CACNA1C: variants seen among roughly 807,000 people sequenced by gnomAD.
The protein encoded by CACNA1C is calcium voltage-gated channel subunit alpha1 C, also known as voltage-dependent L-type calcium channel subunit alpha-1C.
In CACNA1C, 30 loss-of-function variants were observed where a neutral mutation model predicts 229.0. That is an observed-to-expected ratio of 0.13 (90% CI 0.10 to 0.18). The LOEUF is 0.18. Among genes scored for constraint, CACNA1C ranks in the 10% least tolerant of loss-of-function variants. The pLI, the probability that CACNA1C is intolerant of heterozygous loss-of-function variation, is 1.00. For synonymous variants in CACNA1C, 1,114 were observed against 1,132.5 expected (o/e 0.98, Z 0.33); for missense variants, 1,658 against 2,845.0 (o/e 0.58, Z 9.49).
chr12:2,409,738 G>A (rs745909039), intron 3 of CACNA1C, among the ~76,000 whole-genome samples: 7 of 152,212 alleles, frequency 4.6e-5, no homozygotes, highest in Non-Finnish European at 7.4e-5. Flanking sequence ...TGAAGCTGCA[G>A]TGTTCACCCT....
rs570182758 is a variant in CACNA1C, at chr12:2,634,907, G to A, written c.3912+527G>A. 4.7e-4 allele frequency among the ~76,000 whole-genome samples: 72 copies of A among 152,162 alleles called. 1 individual carries two copies. Among genetic ancestry groups the A allele is most frequent in the Non-Finnish European group, 7.9e-4 (54 of 67,990 alleles). On this transcript the variant is annotated intron_variant, in intron 30 of 46. Coordinates refer to ENST00000399655, the MANE Select transcript of CACNA1C (RefSeq NM_000719.7). Reference sequence around the variant, plus strand: ...ACACCGTCAGCCATAGCCCACCCTCGCCCAAGGACCACCCATGATCTCGGG... The same window carrying A: ...ACACCGTCAGCCATAGCCCACCCTCACCCAAGGACCACCCATGATCTCGGG...
rs1202917842 is a variant in CACNA1C at position 2,504,331 on chromosome 12, G to A, written c.1114-511G>A. ...CCTGGTGCACATGAACAAAGCCCAC[G>A]TTCAGCCCCGTCTGTCCCCTCCCAA... is the stretch of plus-strand genomic sequence containing the variant. On this transcript the variant is annotated intron_variant, in intron 7 of 46. Transcript: ENST00000399655. This position sits in a 1 kb window ranked among gnomAD's most constrained non-coding sequence, Gnocchi z 6.8. 22 of 702,946 alleles carry A rather than the reference G, an allele frequency of 3.1e-5. No homozygotes were observed. Among genetic ancestry groups the A allele is most frequent in the South Asian group, 1.3e-4 (8 of 60,784 alleles). 43.5% of individuals were successfully genotyped at this position (702,946 alleles called of 1,614,324 possible). A position where few individuals can be genotyped will look rare whatever the true frequency, so the allele number is the denominator to read the frequency against.
Position 2,693,655 on chromosome 12 carries a change from G to C in CACNA1C, c.*2456G>C, listed in dbSNP as rs142476147. On this transcript the variant is annotated 3_prime_UTR_variant, in exon 47 of 47. Coordinates refer to ENST00000399655, the MANE Select transcript of CACNA1C (RefSeq NM_000719.7). ...AGAGGCATCCGGAGCTCACAGTGGGGGTGGGAACAGATTTTTGTGGGGGCA... is the reference window on the plus strand; with the variant it reads ...AGAGGCATCCGGAGCTCACAGTGGGCGTGGGAACAGATTTTTGTGGGGGCA... 4.6e-5 allele frequency: 7 copies of C among 152,322 alleles called. No individual in the cohort carries two copies. Among genetic ancestry groups the C allele is most frequent in the Admixed American group, 4.6e-4 (7 of 15,300 alleles). The allele number at this position is 152,322 out of a possible 1,614,324, so 9.4% of individuals were successfully genotyped here.
intron 3 of CACNA1C, among the ~76,000 whole-genome samples, chr12:2,191,543 T>C (rs189405979): frequency 2.0e-5 from 3 of 152,058 alleles, no homozygotes; most frequent in African/African-American, 7.2e-5. Context: ...CATACACACA[T>C]GGACACATTC....
chr12:2,178,024 G>A (rs1214188434), intron 3 of CACNA1C, among the ~76,000 whole-genome samples: 1 of 152,226 alleles, frequency 6.6e-6, no homozygotes, highest in Non-Finnish European at 1.5e-5. Context: ...GGAGCTAGGA[G>A]AAGGGCAGGC....
intron 3 of CACNA1C, among the ~76,000 whole-genome samples, chr12:2,136,238 G>A (rs985901737): frequency 2.0e-5 from 3 of 151,398 alleles, no homozygotes; most frequent in African/African-American, 7.2e-5. Context: ...AGATGGAAAT[G>A]CAGAAATCAC....
intron 3 of CACNA1C, among the ~76,000 whole-genome samples, chr12:2,256,435 C>A (rs1163027861): frequency 1.3e-5 from 2 of 152,144 alleles, no homozygotes; most frequent in Non-Finnish European, 2.9e-5. Flanking sequence ...TAGAAGAAAA[C>A]AACTGCTTAA....
Position 2,152,867 on chromosome 12 carries a change from C to A in CACNA1C, c.477+32437C>A, listed in dbSNP as rs770852087. Among the ~76,000 whole-genome samples, 26 of 152,232 alleles carry A rather than the reference C, an allele frequency of 1.7e-4. 1 individual carries two copies. Among genetic ancestry groups the A allele is most frequent in the Middle Eastern group, 6.8e-3 (2 of 294 alleles). ...GCCCGGTAGGAAAGATTGGTAGGTC[C>A]CACTGGTCCCGAGTGTCCTACGGCC... On this transcript the variant is annotated intron_variant, in intron 3 of 46. Coordinates refer to ENST00000399655, the MANE Select transcript of CACNA1C (RefSeq NM_000719.7). The surrounding 1 kb of genome is among the most constrained non-coding windows in gnomAD (Gnocchi z 4.2).
chr12:2,320,531 TC>T lies in CACNA1C; in HGVS notation c.478-128443del, dbSNP rs1373326861. ...ATTAATCACCCTCTGCCCCCGCTCC[TC>T]CATTTACCTTGCCTGTGGCATTAGT... On this transcript the variant is annotated intron_variant, in intron 3 of 46. Transcript: ENST00000399655. Among the ~76,000 whole-genome samples the T allele has an allele frequency of 2.0e-5, 3 of 152,330 alleles. No individual in the cohort carries two copies. In the East Asian group the frequency reaches 5.8e-4, roughly 29 times the overall value.
chr12:2,633,482 C>A lies in CACNA1C; in HGVS notation c.3829-815C>A. The A allele has an allele frequency of 3.0e-6, 2 of 664,050 alleles. No homozygotes were observed. Among genetic ancestry groups the A allele is most frequent in the Non-Finnish European group, 2.7e-6 (1 of 369,222 alleles). The allele number at this position is 664,050 out of a possible 1,614,324, so 41.1% of individuals were successfully genotyped here. A position where few individuals can be genotyped will look rare whatever the true frequency, so the allele number is the denominator to read the frequency against. The stretch of plus-strand genomic sequence containing the variant: ...TGCTGCTCCTTCCTTGCTGGTGCTC[C>A]TGGGCTCCTGGCCATGGTGAGGGCG... On this transcript the variant is annotated intron_variant, in intron 29 of 46. Coordinates refer to ENST00000399655, the MANE Select transcript of CACNA1C (RefSeq NM_000719.7). This position sits in a 1 kb window ranked among gnomAD's most constrained non-coding sequence, Gnocchi z 5.8.
intron 1 of CACNA1C, among the ~76,000 whole-genome samples, chr12:1,981,295 A>G (rs568802557): frequency 3.7e-4 from 57 of 152,352 alleles, no homozygotes; most frequent in African/African-American, 1.3e-3. Context: ...AAGAAAAACT[A>G]AAGAAATAGT....
At chr12:2,441,405 G>C (rs1252163916) in intron 3 of CACNA1C, among the ~76,000 whole-genome samples, 1 of 152,210 alleles carries the variant, frequency 6.6e-6, no homozygotes, top group African/African-American at 2.4e-5. Flanking sequence ...CAAGGAGTCT[G>C]TGTTCCTCTA....
intron 1 of CACNA1C, among the ~76,000 whole-genome samples, chr12:2,092,016 A>G (rs978927498): frequency 1.3e-5 from 2 of 152,036 alleles, no homozygotes; most frequent in African/African-American, 4.8e-5. Flanking sequence ...CCATATCCTC[A>G]CCTGCTCTCA....
intron 4 of CACNA1C, among the ~76,000 whole-genome samples, chr12:2,451,781 G>C (rs768746628): frequency 3.9e-5 from 6 of 152,246 alleles, no homozygotes; most frequent in Non-Finnish European, 8.8e-5. Context: ...CATGAGGCTG[G>C]TGAAGAGAGG....
At chr12:2,283,416 G>T (rs990327461) in intron 3 of CACNA1C, among the ~76,000 whole-genome samples, 4 of 152,128 alleles carry the variant, frequency 2.6e-5, no homozygotes, top group African/African-American at 9.7e-5. Flanking sequence ...GGTTGGGCTG[G>T]ACAAATTAGA....
At chr12:2,442,141 C>T (rs573557950) in intron 3 of CACNA1C, among the ~76,000 whole-genome samples, 1 of 152,306 alleles carries the variant, frequency 6.6e-6, no homozygotes, top group South Asian at 2.1e-4. Flanking sequence ...TTATTATTCT[C>T]ATTCTTGAGT....
Position 2,634,364 on chromosome 12 carries a change from C to A in CACNA1C, c.3896C>A (p.Ala1299Glu). 6.3e-7 allele frequency: 1 copy of A among 1,576,096 alleles called. No individual in the cohort carries two copies. The highest frequency in any genetic ancestry group is 8.6e-7 in the Non-Finnish European group (1 of 1,156,620). Residue 1299 changes from alanine to glutamate, a missense_variant, in exon 30 of 47, where the codon GCA (alanine) becomes GAA (glutamate). Ala to Glu is a moderately radical substitution (Grantham distance 107). Transcript: ENST00000399655. ...LIVVGSIVDI[A>E]ITEVNPAEHT... ...GTTGTGGGTAGCATTGTTGATATAG[C>A]AATCACCGAGGTAAACGTAAGTACA...
In CACNA1C at chr12:2,688,299, C is replaced by T. The variant is rs527714941; in HGVS notation, c.5785-148C>T. The T allele has an allele frequency of 1.4e-4, 100 of 693,860 alleles. 1 individual carries two copies. The highest frequency in any genetic ancestry group is 3.9e-4 in the Middle Eastern group (1 of 2,562). 43.0% of individuals were successfully genotyped at this position (693,860 alleles called of 1,614,324 possible). A position where few individuals can be genotyped will look rare whatever the true frequency, so the allele number is the denominator to read the frequency against. ...AAGTCATGCCAGGTTGAGATAGGAC[C>T]GACAGGGGAAAATAATGGCATGGGA... On this transcript the variant is annotated intron_variant, in intron 45 of 46. Transcript: ENST00000399655.
At chr12:2,063,749 T>A (rs2058367339) in intron 1 of CACNA1C, among the ~76,000 whole-genome samples, 1 of 152,246 alleles carries the variant, frequency 6.6e-6, no homozygotes, top group Non-Finnish European at 1.5e-5. Flanking sequence ...TGAATAGTAT[T>A]TCATTGAAAG....
Sources: allele counts gnomAD v4.1 joint callset (sites outside exome capture counted in the v4.1 genomes callset), GRCh38; gene constraint gnomAD v4.1.1; non-coding constraint Gnocchi (gnomAD v3.1); transcripts MANE v1.5; gene names NCBI Gene and HGNC (gene_info 2026-07-23, HGNC 2026-07-21).